PPP2R2B: variants seen among roughly 807,000 people sequenced by gnomAD.
The protein encoded by PPP2R2B is protein phosphatase 2 regulatory subunit Bbeta, also known as serine/threonine-protein phosphatase 2A 55 kDa regulatory subunit B beta isoform.
Under a neutral mutation model 46.0 loss-of-function variants are expected in PPP2R2B, and 5 were observed. The ratio of observed to expected loss-of-function variants is 0.11; its 90% confidence interval spans 0.06 to 0.23. The LOEUF (loss-of-function observed/expected upper bound fraction) is 0.23, where lower values mean the gene tolerates loss of function less well. Among genes scored for constraint, PPP2R2B ranks in the 10% least tolerant of loss-of-function variants. The pLI is 1.00. For missense variants in PPP2R2B, 367 were observed against 575.0 expected, an observed-to-expected ratio of 0.64 and a Z score of 3.70; for synonymous variants, 215 against 206.7, an observed-to-expected ratio of 1.04 and a Z score of -0.34.
At chr5:146,735,106 A>G (rs1446285862) in intron 2 of PPP2R2B, among the ~76,000 whole-genome samples, 2 of 152,156 alleles carry the variant, frequency 1.3e-5, no homozygotes, top group Admixed American at 6.5e-5. Flanking sequence ...CTTTTTTATT[A>G]TTTGTATAAA....
At chr5:146,654,888 A>T (rs1041451700) in intron 5 of PPP2R2B, among the ~76,000 whole-genome samples, 1 of 152,174 alleles carries the variant, frequency 6.6e-6, no homozygotes, top group Non-Finnish European at 1.5e-5. Flanking sequence ...TTGCCAAATG[A>T]CAAAAGCAGA....
intron 2 of PPP2R2B, among the ~76,000 whole-genome samples, chr5:146,795,400 C>T (rs894139971): frequency 1.3e-5 from 2 of 152,066 alleles, no homozygotes. Context: ...ATGGAAGAAC[C>T]TAATACATTA....
intron 7 of PPP2R2B, among the ~76,000 whole-genome samples, chr5:146,635,115 G>A (rs1205480411): frequency 1.3e-5 from 2 of 152,108 alleles, no homozygotes; most frequent in African/African-American, 2.4e-5. Context: ...TTTAGTTCTT[G>A]TGAACAACCT....
chr5:146,930,417 T>C (rs886405637), intron 1 of PPP2R2B, among the ~76,000 whole-genome samples: 3 of 152,158 alleles, frequency 2.0e-5, no homozygotes, highest in African/African-American at 7.2e-5. Context: ...CCTCTGGGTC[T>C]TTATTTGTGG....
At chr5:146,833,481 C>G (rs1254500461) in intron 2 of PPP2R2B, among the ~76,000 whole-genome samples, 1 of 152,170 alleles carries the variant, frequency 6.6e-6, no homozygotes, top group Non-Finnish European at 1.5e-5. Flanking sequence ...CAGCCTATTT[C>G]AACACTGGCA....
chr5:146,592,255 TGA>T (rs1770734557), intron 9 of PPP2R2B: 6 of 357,634 alleles, frequency 1.7e-5, no homozygotes, highest in South Asian at 4.3e-5. Context: ...AGGTGGAGTG[TGA>T]GAGAGAGACA....
chr5:146,709,095 G>T (rs1030197570), intron 2 of PPP2R2B, among the ~76,000 whole-genome samples: 3 of 152,184 alleles, frequency 2.0e-5, no homozygotes, highest in Non-Finnish European at 4.4e-5. Context: ...TCCAATCAGT[G>T]TCTAGTATTT....
At chr5:146,969,520 T>A (rs529346127) in intron 1 of PPP2R2B, among the ~76,000 whole-genome samples, 1 of 152,334 alleles carries the variant, frequency 6.6e-6, no homozygotes, top group East Asian at 1.9e-4. Flanking sequence ...TTGGATTTCT[T>A]ATCAGATCAT....
chr5:147,007,660 C>G (rs1343807112), intron 1 of PPP2R2B, among the ~76,000 whole-genome samples: 2 of 152,174 alleles, frequency 1.3e-5, no homozygotes, highest in Admixed American at 1.3e-4. Context: ...TGAGCTGTAA[C>G]ACTCACTGCG....
intron 2 of PPP2R2B, among the ~76,000 whole-genome samples, chr5:146,838,149 T>G (rs895807399): frequency 3.0e-4 from 45 of 152,208 alleles, no homozygotes; most frequent in Non-Finnish European, 5.0e-4. Context: ...TGGTAGACCC[T>G]GTGTTGGTAT....
chr5:146,937,916 T>G (rs780742551), intron 1 of PPP2R2B, among the ~76,000 whole-genome samples: 3 of 152,186 alleles, frequency 2.0e-5, no homozygotes, highest in Non-Finnish European at 4.4e-5. Context: ...AATTAAGTTT[T>G]TCTCAGCACT....
At chr5:146,966,638 G>A (rs1752426912) in intron 1 of PPP2R2B, among the ~76,000 whole-genome samples, 1 of 152,106 alleles carries the variant, frequency 6.6e-6, no homozygotes, top group South Asian at 2.1e-4. Flanking sequence ...TAACTAGAAC[G>A]GAAGGCAGCC....
At chr5:146,742,931 C>T (rs1319581984) in intron 2 of PPP2R2B, among the ~76,000 whole-genome samples, 2 of 152,146 alleles carry the variant, frequency 1.3e-5, no homozygotes, top group Non-Finnish European at 1.5e-5. Context: ...CAAAAATTGC[C>T]TAAAGACCAC....
chr5:146,782,423 T>C (rs1475347457), intron 2 of PPP2R2B, among the ~76,000 whole-genome samples: 1 of 152,206 alleles, frequency 6.6e-6, no homozygotes, highest in African/African-American at 2.4e-5. Flanking sequence ...CATCTAAGTT[T>C]CCCCTAAAGC....
intron 2 of PPP2R2B, among the ~76,000 whole-genome samples, chr5:146,813,147 A>G (rs1465093315): frequency 1.3e-5 from 2 of 151,736 alleles, no homozygotes; most frequent in East Asian, 1.9e-4. Context: ...GTGTGTGTAT[A>G]TATATGTATA....
upstream of PPP2R2B, among the ~76,000 whole-genome samples, chr5:146,879,977 G>A (rs1358094744): frequency 6.6e-6 from 1 of 152,190 alleles, no homozygotes; most frequent in South Asian, 2.1e-4. Context: ...TACATACAAT[G>A]CTTCGGCTAA....
chr5:146,626,186 G>A (rs1381323877), intron 7 of PPP2R2B, among the ~76,000 whole-genome samples: 1 of 152,036 alleles, frequency 6.6e-6, no homozygotes, highest in African/African-American at 2.4e-5. Flanking sequence ...AATACAGAGA[G>A]AAAGAGGTGA....
At chr5:146,948,360 C>T (rs1764550604) in intron 1 of PPP2R2B, among the ~76,000 whole-genome samples, 1 of 151,942 alleles carries the variant, frequency 6.6e-6, no homozygotes, top group East Asian at 1.9e-4. Flanking sequence ...AATGTTAATA[C>T]CTATTTGTCT....
chr5:146,741,009 C>G (rs1449265317), intron 2 of PPP2R2B, among the ~76,000 whole-genome samples: 1 of 149,398 alleles, frequency 6.7e-6, no homozygotes, highest in Non-Finnish European at 1.5e-5. Flanking sequence ...CGCACTCTAG[C>G]CAAGCGACAG....
Sources: gnomAD v4.1 joint callset for allele counts (sites outside exome capture counted in the v4.1 genomes callset) on GRCh38, gnomAD v4.1.1 for gene constraint, MANE v1.5 for transcripts, NCBI Gene and HGNC (gene_info 2026-07-23, HGNC 2026-07-21) for gene names.